Variants in ABCD3 observed in about 807,000 individuals in gnomAD.
ABCD3 encodes the protein ATP-binding cassette sub-family D member 3.
A neutral mutation model predicts 105.5 loss-of-function variants in ABCD3; 41 were observed. The ratio of observed to expected loss-of-function variants is 0.39; its 90% CI spans 0.30 to 0.50. The LOEUF (loss-of-function observed/expected upper bound fraction) is 0.50, where lower values mean the gene tolerates loss of function less well. ABCD3 is among the 20% of genes least tolerant of loss of function. The probability of loss-of-function intolerance (pLI) is 0.84; values close to 1 mark genes in which losing one functional copy is unlikely to be tolerated. For missense variants in ABCD3, 622 were observed against 806.3 expected (o/e 0.77, Z 2.77); for synonymous variants, 258 against 269.0 (o/e 0.96, Z 0.40).
chr1:94,508,857 G>T (rs1374373718), intron 21 of ABCD3, among the ~76,000 whole-genome samples: 6 of 152,160 alleles, frequency 3.9e-5, no homozygotes, highest in African/African-American at 1.4e-4. Flanking sequence ...CTTTGCTGAA[G>T]TTGCTTATCA....
rs1430811824 is a variant in ABCD3 at position 94,515,329 on chromosome 1, G to A, written c.1902+127G>A. On this transcript the variant is annotated intron_variant, in intron 22 of 22. Transcript: ENST00000370214. ...AACATATGTCTTAAGGAGAAAAGGT[G>A]GTTTTGTTTTATAAAATAGGATTTT... 9 of 763,140 alleles carry A rather than the reference G, an allele frequency of 1.2e-5. No individual in the cohort carries two copies. The South Asian group carries it at 1.2e-4, about 10-fold the overall frequency. The allele number at this position is 763,140 out of a possible 1,614,324, so 47.3% of individuals were successfully genotyped here. A position where few individuals can be genotyped will look rare whatever the true frequency, so the allele number is the denominator to read the frequency against.
At chr1:94,487,011 C>T (rs932087685) in intron 10 of ABCD3, among the ~76,000 whole-genome samples, 4 of 152,146 alleles carry the variant, frequency 2.6e-5, no homozygotes, top group African/African-American at 7.2e-5. Context: ...TAAGACAATG[C>T]GTGCTCATGT....
rs913683717 is a variant in ABCD3 at position 94,512,415 on chromosome 1, ATGT to A, written c.1846-2726_1846-2724del. Among the ~76,000 whole-genome samples the A allele has an allele frequency of 3.9e-5, 6 of 152,068 alleles. No homozygotes were observed. In the East Asian group the frequency reaches 5.8e-4, roughly 15 times the overall value. On this transcript the variant is annotated intron_variant, in intron 21 of 22. Coordinates refer to ENST00000370214, the MANE Select transcript of ABCD3 (RefSeq NM_002858.4). The stretch of plus-strand genomic sequence containing the variant: ...TTATATATGGGAAATATATTTAAAT[ATGT>A]TGTTTTATATAAATGAGATATAAAA...
chr1:94,489,377 G>C (rs1649421562), intron 13 of ABCD3, among the ~76,000 whole-genome samples: 3 of 152,008 alleles, frequency 2.0e-5, no homozygotes, highest in Non-Finnish European at 4.4e-5. Context: ...CAAGAGATCA[G>C]AGTCCATACT....
intron 4 of ABCD3, among the ~76,000 whole-genome samples, chr1:94,470,588 T>TTG (rs1308504205): frequency 6.6e-6 from 1 of 152,146 alleles, no homozygotes; most frequent in Non-Finnish European, 1.5e-5. Flanking sequence ...TTTTTGTTCA[T>TTG]TGTGCTGGGC....
chr1:94,391,716 T>G, the ABCD3 span, among the ~76,000 whole-genome samples: 1 of 152,192 alleles, frequency 6.6e-6, no homozygotes, highest in East Asian at 1.9e-4. Flanking sequence ...TGATCACACA[T>G]AATACATTCA....
the ABCD3 span, chr1:94,406,606 A>G: frequency 3.6e-6 from 1 of 278,798 alleles, no homozygotes; most frequent in South Asian, 4.0e-5. Context: ...TAATGTGCTC[A>G]GTACACACAC....
intron 1 of ABCD3, among the ~76,000 whole-genome samples, chr1:94,454,139 A>G (rs1647420270): frequency 6.6e-6 from 1 of 152,154 alleles, no homozygotes; most frequent in African/African-American, 2.4e-5. Context: ...TTGAAAGAGG[A>G]CAGAAACTAA....
chr1:94,465,605 C>A (rs1022465514), intron 3 of ABCD3, among the ~76,000 whole-genome samples: 1 of 151,882 alleles, frequency 6.6e-6, no homozygotes, highest in African/African-American at 2.4e-5. Context: ...AAAGACAAAC[C>A]CTTTTATTAC....
chr1:94,388,082 T>G, the ABCD3 span, among the ~76,000 whole-genome samples: 1 of 152,198 alleles, frequency 6.6e-6, no homozygotes, highest in Non-Finnish European at 1.5e-5. Flanking sequence ...ATTATGTTTT[T>G]CAGACATGGC....
At chr1:94,478,017 A>G (rs1293897991) in intron 7 of ABCD3, among the ~76,000 whole-genome samples, 1 of 152,200 alleles carries the variant, frequency 6.6e-6, no homozygotes, top group East Asian at 1.9e-4. Context: ...TGTTTTTCCT[A>G]CTTGATGGTC....
intron 1 of ABCD3, among the ~76,000 whole-genome samples, chr1:94,451,273 G>T (rs1196922468): frequency 6.6e-6 from 1 of 152,106 alleles, no homozygotes; most frequent in Non-Finnish European, 1.5e-5. Context: ...TGTAATTTCT[G>T]CTGGTCCTTG....
chr1:94,424,531 T>G (rs1659391151), intron 1 of ABCD3, among the ~76,000 whole-genome samples: 1 of 152,126 alleles, frequency 6.6e-6, no homozygotes, highest in Non-Finnish European at 1.5e-5. Context: ...CAAACAGTCC[T>G]CCTACCTCAG....
chr1:94,515,099 T>A, intron 21 of ABCD3, 47 bp from the exon 22 acceptor site: 1 of 1,435,214 alleles, frequency 7.0e-7, no homozygotes, highest in Non-Finnish European at 9.8e-7. Context: ...CTAGTTTAAT[T>A]TGTGACTCTG....
chr1:94,429,741 A>C (rs775497653), intron 1 of ABCD3, among the ~76,000 whole-genome samples: 31 of 152,244 alleles, frequency 2.0e-4, no homozygotes, highest in Non-Finnish European at 1.3e-4. Context: ...ATGCCCATGC[A>C]GAAGTTTGCT....
At chr1:94,411,963 A>G in the ABCD3 span, among the ~76,000 whole-genome samples, 1 of 152,202 alleles carries the variant, frequency 6.6e-6, no homozygotes, top group Non-Finnish European at 1.5e-5. Flanking sequence ...TAGAGATGAA[A>G]GCTGATTGAT....
At chr1:94,511,730 A>G (rs1650682859) in intron 21 of ABCD3, among the ~76,000 whole-genome samples, 1 of 151,754 alleles carries the variant, frequency 6.6e-6, no homozygotes, top group African/African-American at 2.4e-5. Flanking sequence ...TTCTCGCTTC[A>G]TTTCATTCAC....
intron 1 of ABCD3, among the ~76,000 whole-genome samples, chr1:94,457,392 C>T (rs1647629284): frequency 6.6e-6 from 1 of 152,062 alleles, no homozygotes; most frequent in Non-Finnish European, 1.5e-5. Context: ...TGTTTGGTGT[C>T]CTGGTATCTT....
At chr1:94,421,059 C>T (rs1570726038) in intron 1 of ABCD3, among the ~76,000 whole-genome samples, 1 of 152,076 alleles carries the variant, frequency 6.6e-6, no homozygotes, top group East Asian at 1.9e-4. Flanking sequence ...AGTTAAATCT[C>T]ATATATATGT....
Sources: gnomAD v4.1 joint callset for allele counts (sites outside exome capture counted in the v4.1 genomes callset) on GRCh38, gnomAD v4.1.1 for gene constraint, MANE v1.5 for transcripts, NCBI Gene and HGNC (gene_info 2026-07-23, HGNC 2026-07-21) for gene names.